CELSR2: variants seen among roughly 807,000 people sequenced by gnomAD.
CELSR2 encodes EGF-like protein 2.
Under a neutral mutation model 251.6 loss-of-function variants are expected in CELSR2, and 81 were observed. The observed-to-expected ratio is 0.32, with a 90% confidence interval of 0.27 to 0.39. The LOEUF is 0.39. Ranked by LOEUF, CELSR2 falls within the 10% of genes least tolerant of loss-of-function variation. The pLI is 1.00. For synonymous variants in CELSR2, 1,721 were observed against 1,670.5 expected (o/e 1.03, Z -0.74); for missense variants, 3,365 against 3,947.7 (o/e 0.85, Z 3.96).
chr1:109,259,773 G>A (rs592355), intron 2 of CELSR2, among the ~76,000 whole-genome samples: 32,062 of 152,016 alleles, frequency 0.21, 4,840 homozygotes, highest in African/African-American at 0.42. Context: ...GAATGGCTCC[G>A]CCTCCGCCCA....
chr1:109,251,644 A>G lies in CELSR2; in HGVS notation c.1565A>G (p.Tyr522Cys). Residue 522 changes from tyrosine (Y) to cysteine (C), a missense_variant, in exon 1 of 34, where the codon TAC becomes TGC. By Grantham distance (194) the Tyr-to-Cys change is radical. Around this residue, in one of 5 missense-constraint regions of CELSR2, gnomAD observed 704 missense variants for 784.1 expected, o/e 0.90. Coordinates refer to ENST00000271332, the MANE Select transcript of CELSR2 (RefSeq NM_001408.3). This position sits in a 1 kb window ranked among gnomAD's most constrained non-coding sequence, Gnocchi z 4.9. ...GTCCTGGAGAGTGTCCCCTTAGGCT[A>G]CCTGGTTCTCCATGTCCAGGCTATC... ...ATVLESVPLG[Y>C]LVLHVQAIDA... The G allele has an allele frequency of 6.2e-7, 1 of 1,613,812 alleles. No individual in the cohort carries two copies. The highest frequency in any genetic ancestry group is 8.5e-7 in the Non-Finnish European group (1 of 1,179,888).
At position 109,250,321 on chromosome 1, in the gene CELSR2, GCCACCTGGTACC is replaced by G; in HGVS notation, c.248_259del (p.Leu83_His86del). ...AGGGATGCGGGCACTGAGCTGACTG[GCCACCTGGTACC>G]CCACCACGATGGCCTGAGGGTTTGG... is the stretch of plus-strand genomic sequence containing the variant. On this transcript the variant is annotated inframe_deletion, in exon 1 of 34. Transcript: ENST00000271332. This position sits in a 1 kb window ranked among gnomAD's most constrained non-coding sequence, Gnocchi z 4.4. 1.2e-6 allele frequency: 2 copies of G among 1,613,402 alleles called. No individual in the cohort carries two copies. The highest frequency in any genetic ancestry group is 1.7e-6 in the Non-Finnish European group (2 of 1,180,016).
At chr1:109,271,775 G>T (rs1656379367) in intron 28 of CELSR2, 53 bp downstream of exon 28, 3 of 1,593,688 alleles carry the variant, frequency 1.9e-6, no homozygotes, top group Admixed American at 3.5e-5. Flanking sequence ...GAGGCAGGAG[G>T]CCCAGTGAGC....
chr1:109,271,864 T>C (rs1656381111), intron 28 of CELSR2, 142 bp downstream of exon 28: 1 of 1,134,812 alleles, frequency 8.8e-7, no homozygotes, highest in African/African-American at 1.5e-5. Flanking sequence ...AATGCTGTGT[T>C]CGGCCTGGGG....
rs370447679 is a variant in CELSR2 at position 109,252,663 on chromosome 1, G to A, written c.2584G>A (p.Gly862Ser). 7.4e-5 allele frequency: 120 copies of A among 1,613,776 alleles called. No homozygotes were observed. Among genetic ancestry groups the A allele is most frequent in the Middle Eastern group, 1.6e-4 (1 of 6,084 alleles). ...CTTCCAAGGAGGCGACGATGGAGAC[G>A]GTGACTTTATTGTTGAGTCCACGTC... ...YTFQGGDDGD[G>S]DFIVESTSGI... The change falls in exon 1 of 34, where the codon GGT becomes AGT. Residue 862 changes from glycine to serine, a missense_variant. Coordinates refer to ENST00000271332, the MANE Select transcript of CELSR2 (RefSeq NM_001408.3). This position sits in a 1 kb window ranked among gnomAD's most constrained non-coding sequence, Gnocchi z 4.8.
In CELSR2 at chr1:109,258,673, C is replaced by T. The variant is rs923038792; in HGVS notation, c.3552C>T (p.Ser1184=). The change falls in exon 2 of 34, where the codon AGC becomes AGT. Residue 1184 remains serine (S), a synonymous_variant. Transcript: ENST00000271332. The part of the protein sequence containing the change: ...DAPGGHILNV[S]LSVGQPPGPG... ...CCGGGGGCCACATCCTCAACGTGAGCCTGTCGGTGGGCCAGCCGCCAGGGC... is the reference window on the plus strand; with the variant it reads ...CCGGGGGCCACATCCTCAACGTGAGTCTGTCGGTGGGCCAGCCGCCAGGGC... 7 of 1,548,260 alleles carry T rather than the reference C, an allele frequency of 4.5e-6. No individual in the cohort carries two copies. Among genetic ancestry groups the T allele is most frequent in the Middle Eastern group, 1.7e-4 (1 of 5,998 alleles).
Position 109,251,694 on chromosome 1 carries a change from C to T in CELSR2, c.1615C>T (p.Arg539Cys), listed in dbSNP as rs138919468. The change falls in exon 1 of 34, where the codon CGC becomes TGC. Residue 539 changes from arginine (R) to cysteine (C), a missense_variant. Physicochemically the swap from Arg to Cys is radical, Grantham distance 180. Around this residue, in one of 5 missense-constraint regions of CELSR2, gnomAD observed 704 missense variants for 784.1 expected, o/e 0.90. Coordinates refer to ENST00000271332, the MANE Select transcript of CELSR2 (RefSeq NM_001408.3). The surrounding 1 kb of genome is among the most constrained non-coding windows in gnomAD (Gnocchi z 4.9). The part of the protein sequence containing the change: ...AIDADAGDNA[R>C]LEYRLAGVGH... ...CGACGCTGATGCTGGTGACAATGCC[C>T]GCCTGGAATACCGCCTTGCTGGGGT... 659 of 1,614,094 alleles carry T rather than the reference C, an allele frequency of 4.1e-4. No individual in the cohort carries two copies. Among genetic ancestry groups the T allele is most frequent in the Non-Finnish European group, 5.2e-4 (612 of 1,180,020 alleles).
Position 109,270,498 on chromosome 1 carries a change from G to C in CELSR2, c.7381G>C (p.Ala2461Pro). The change falls in exon 24 of 34, where the codon GCC (alanine) becomes CCC (proline). Residue 2461 changes from alanine (A) to proline (P), a missense_variant. Transcript: ENST00000271332. Reference sequence around the variant, plus strand: ...CACCTTTTCCTGGGCTCTGCTGGAGGCCTTGCACCTGTACCGGGCACTCAC... The same window carrying C: ...CACCTTTTCCTGGGCTCTGCTGGAGCCCTTGCACCTGTACCGGGCACTCAC... ...LCTFSWALLE[A>P]LHLYRALTEV... The C allele has an allele frequency of 6.2e-7, 1 of 1,614,188 alleles. No individual in the cohort carries two copies. The highest frequency in any genetic ancestry group is 2.2e-5 in the East Asian group (1 of 44,884).
At chr1:109,254,443 C>CT (rs886170147) in intron 1 of CELSR2, among the ~76,000 whole-genome samples, 49 of 152,276 alleles carry the variant, frequency 3.2e-4, no homozygotes, top group Middle Eastern at 3.4e-3. Flanking sequence ...AGTATTCTGT[C>CT]TTTTTTTATC....
chr1:109,263,903 G>T, intron 9 of CELSR2, 126 bp downstream of exon 9: 1 of 1,401,764 alleles, frequency 7.1e-7, no homozygotes, highest in Non-Finnish European at 9.5e-7. Context: ...CGCTGGATCC[G>T]TTGGGAAGGT....
intron 28 of CELSR2, among the ~76,000 whole-genome samples, chr1:109,271,976 A>C (rs778155299): frequency 1.3e-5 from 2 of 152,140 alleles, no homozygotes; most frequent in Non-Finnish European, 2.9e-5. Context: ...TCTCTCATGA[A>C]TTTTAGTAAA....
Position 109,264,125 on chromosome 1 carries a change from G to A in CELSR2, c.5049G>A (p.Gln1683=). The change falls in exon 10 of 34, where the codon CAG becomes CAA. Residue 1683 remains glutamine (Q), a synonymous_variant. Coordinates refer to ENST00000271332, the MANE Select transcript of CELSR2 (RefSeq NM_001408.3). ...TGAGCGTGGAGGGCACAGGGCTTCAGGCCTCCTCTCTCCGTCTGGAGCCAG... is the reference window on the plus strand; with the variant it reads ...TGAGCGTGGAGGGCACAGGGCTTCAAGCCTCCTCTCTCCGTCTGGAGCCAG... ...VMLSVEGTGL[Q]ASSLRLEPGR... 2 of 1,603,356 alleles carry A rather than the reference G, an allele frequency of 1.2e-6. No individual in the cohort carries two copies. Among genetic ancestry groups the A allele is most frequent in the South Asian group, 2.2e-5 (2 of 90,782 alleles).
In CELSR2 at chr1:109,251,588, C is replaced by T; in HGVS notation, c.1509C>T (p.Pro503=). The change falls in exon 1 of 34, where the codon CCC becomes CCT. Residue 503 remains proline, a synonymous_variant. Coordinates refer to ENST00000271332, the MANE Select transcript of CELSR2 (RefSeq NM_001408.3). The surrounding 1 kb of genome is among the most constrained non-coding windows in gnomAD (Gnocchi z 4.9). Reference sequence around the variant, plus strand: ...TCCTGGATATCAACGACAATGCCCCCATCTTCGTCAGCACCCCTTTCCAGG... The same window carrying T: ...TCCTGGATATCAACGACAATGCCCCTATCTTCGTCAGCACCCCTTTCCAGG... The part of the protein sequence containing the change: ...VQVLDINDNA[P]IFVSTPFQAT... 1 of 1,613,952 alleles carries T rather than the reference C, an allele frequency of 6.2e-7. No individual in the cohort carries two copies. The highest frequency in any genetic ancestry group is 8.5e-7 in the Non-Finnish European group (1 of 1,180,030).
chr1:109,253,295 G>C lies in CELSR2; in HGVS notation c.3216G>C (p.Leu1072=). The change falls in exon 1 of 34, where the codon CTG becomes CTC. Residue 1072 remains leucine (L), a synonymous_variant. Transcript: ENST00000271332. ...YSFERGNELS[L]VLLNASTGEL... is the part of the protein sequence containing the mutation. The stretch of plus-strand genomic sequence containing the variant: ...TTGAGCGGGGAAATGAACTCAGCCT[G>C]GTCCTGCTCAATGCCTCCACGGGTG... The C allele has an allele frequency of 6.2e-7, 1 of 1,613,480 alleles. No individual in the cohort carries two copies. The highest frequency in any genetic ancestry group is 8.5e-7 in the Non-Finnish European group (1 of 1,180,040).
rs1655989542 is a variant in CELSR2, at chr1:109,260,530, G to A, written c.3959-512G>A. ...GTGGAAGCCTGGTCCCATCCCCAGG[G>A]AGGGAAACTGATCTCAGTGCCTGAG... On this transcript the variant is annotated intron_variant, in intron 2 of 33. Coordinates refer to ENST00000271332, the MANE Select transcript of CELSR2 (RefSeq NM_001408.3). 1.3e-5 allele frequency among the ~76,000 whole-genome samples: 2 copies of A among 152,160 alleles called. 1 individual carries two copies. Among genetic ancestry groups the A allele is most frequent in the South Asian group, 4.1e-4 (2 of 4,826 alleles).
chr1:109,268,050 A>C lies in CELSR2; in HGVS notation c.6308A>C (p.His2103Pro). Reference sequence around the variant, plus strand: ...GGGCTGTCTGCCACACAGGACGTGCACTTCACTGAGGTGGGGCTTGGAGGA... The same window carrying C: ...GGGCTGTCTGCCACACAGGACGTGCCCTTCACTGAGGTGGGGCTTGGAGGA... ...GFGLSATQDVHFTENLLRVGS... is the reference protein window; with the variant it reads ...GFGLSATQDVPFTENLLRVGS... Residue 2103 changes from histidine to proline, a missense_variant, in exon 17 of 34, where the codon CAC becomes CCC. This residue lies in a region of CELSR2 where 2,093 missense variants were observed against 2,382.8 expected (regional missense o/e 0.88). Transcript: ENST00000271332. 6.3e-7 allele frequency: 1 copy of C among 1,597,546 alleles called. No individual in the cohort carries two copies. The highest frequency in any genetic ancestry group is 8.5e-7 in the Non-Finnish European group (1 of 1,172,978).
chr1:109,265,069 TC>T lies in CELSR2; in HGVS notation c.5606+63del, dbSNP rs1283753856. On this transcript the variant is annotated intron_variant, in intron 12 of 33. Coordinates refer to ENST00000271332, the MANE Select transcript of CELSR2 (RefSeq NM_001408.3). Reference sequence around the variant, plus strand: ...GTGGCTGCTGCTTCTCTCTGGTGTGTCCCTCAGAGCCCCGAAAGCCTGGCTG... The same window carrying T: ...GTGGCTGCTGCTTCTCTCTGGTGTGTCCTCAGAGCCCCGAAAGCCTGGCTG... The T allele has an allele frequency of 4.4e-6, 7 of 1,608,786 alleles. No individual in the cohort carries two copies. The Middle Eastern group carries it at 6.6e-4, about 152-fold the overall frequency.
At position 109,261,635 on chromosome 1, in the gene CELSR2, A is replaced by C. The variant is rs766656792; in HGVS notation, c.4297+7A>C. On this transcript the variant is annotated splice_region_variant and intron_variant, in intron 4 of 33. Coordinates refer to ENST00000271332, the MANE Select transcript of CELSR2 (RefSeq NM_001408.3). The surrounding 1 kb of genome is among the most constrained non-coding windows in gnomAD (Gnocchi z 4.8). ...CAGCTCACCTTCTCTGCAGGTGATCACAGTTGCCCCCCATCCTTGCCCATC... is the reference window on the plus strand; with the variant it reads ...CAGCTCACCTTCTCTGCAGGTGATCCCAGTTGCCCCCCATCCTTGCCCATC... 5.0e-6 allele frequency: 8 copies of C among 1,606,146 alleles called. No homozygotes were observed. The South Asian group carries it at 8.8e-5, about 18-fold the overall frequency.
chr1:109,271,123 TC>T, intron 25 of CELSR2, 84 bp downstream of exon 25: 1 of 1,520,682 alleles, frequency 6.6e-7, no homozygotes, highest in Non-Finnish European at 9.1e-7. Context: ...TCCTCAGGAC[TC>T]CCTTTAGGAA....
Sources: gnomAD v4.1 joint callset for allele counts (sites outside exome capture counted in the v4.1 genomes callset) on GRCh38, gnomAD v4.1.1 for gene constraint, gnomAD v4.1.1 regional missense constraint, Gnocchi (gnomAD v3.1) non-coding constraint, MANE v1.5 for transcripts, NCBI Gene and HGNC (gene_info 2026-07-23, HGNC 2026-07-21) for gene names.